ASAP2: variants seen among roughly 807,000 people sequenced by gnomAD.
ASAP2 encodes arf-GAP with SH3 domain, ANK repeat and PH domain-containing protein 2.
In ASAP2, 45 loss-of-function variants were observed where a neutral mutation model predicts 131.4. The observed-to-expected ratio is 0.34, with a 90% CI of 0.27 to 0.44. The LOEUF (loss-of-function observed/expected upper bound fraction) is 0.44, where lower values mean the gene tolerates loss of function less well. Among genes scored for constraint, ASAP2 ranks in the 20% least tolerant of loss-of-function variants. The probability of loss-of-function intolerance (pLI) is 1.00; values close to 1 mark genes in which losing one functional copy is unlikely to be tolerated. For missense variants in ASAP2, 1,011 were observed against 1,297.0 expected, an observed-to-expected ratio of 0.78 and a Z score of 3.39; for synonymous variants, 510 against 503.0, an observed-to-expected ratio of 1.01 and a Z score of -0.19.
chr2:9,338,939 A>G (rs1477225943), intron 9 of ASAP2, among the ~76,000 whole-genome samples: 1 of 152,168 alleles, frequency 6.6e-6, no homozygotes, highest in African/African-American at 2.4e-5. Flanking sequence ...GCACTTTGGG[A>G]GGCCAAGGCA....
At chr2:9,395,602 T>C (rs1351079504) in intron 24 of ASAP2, among the ~76,000 whole-genome samples, 12 of 87,998 alleles carry the variant, frequency 1.4e-4, no homozygotes, top group South Asian at 4.7e-4. Flanking sequence ...TTCTTTTTTT[T>C]TTTTTTTTTT....
rs35027390 is a variant in ASAP2, at chr2:9,237,177, T to TA, written c.126+29957dup. Among the ~76,000 whole-genome samples the TA allele has an allele frequency of 5.2e-3, 773 of 147,744 alleles. 2 individuals are homozygous for TA. Among genetic ancestry groups the TA allele is most frequent in the Middle Eastern group, 0.018 (5 of 284 alleles). ...GGAAGCTTTTTTAAAAAAAGAGAGT[T>TA]AAAAAAAAAAGCCCTGTTTTGTACA... On this transcript the variant is annotated intron_variant, in intron 1 of 27. Transcript: ENST00000281419.
chr2:9,369,021 T>G (rs1416638619), intron 16 of ASAP2, among the ~76,000 whole-genome samples: 3 of 152,116 alleles, frequency 2.0e-5, no homozygotes, highest in African/African-American at 7.2e-5. Flanking sequence ...GAGAAGCTTT[T>G]TTTTTTTTTT....
rs925762864 is a variant in ASAP2 at position 9,224,590 on chromosome 2, C to T, written c.126+17360C>T. 7.9e-5 allele frequency among the ~76,000 whole-genome samples: 12 copies of T among 152,270 alleles called. No homozygotes were observed. The South Asian group carries it at 1.7e-3, about 21-fold the overall frequency. ...AGCAGGAAAATCTTCTAAGGATGAT[C>T]GAAATCTCCACTCTATAAACCATCC... On this transcript the variant is annotated intron_variant, in intron 1 of 27. Transcript: ENST00000281419.
intron 14 of ASAP2, among the ~76,000 whole-genome samples, chr2:9,357,435 C>A (rs780213352): frequency 2.0e-5 from 3 of 152,076 alleles, no homozygotes; most frequent in Non-Finnish European, 4.4e-5. Flanking sequence ...GCTGAGATCA[C>A]GCCACTGCAC....
intron 3 of ASAP2, among the ~76,000 whole-genome samples, chr2:9,312,150 T>C (rs2148464808): frequency 6.6e-6 from 1 of 152,322 alleles, no homozygotes; most frequent in East Asian, 1.9e-4. Context: ...TCTTCTCCCC[T>C]TAAGGACCCT....
rs1674675430 is a variant in ASAP2, at chr2:9,379,655, A to G, written c.1948+596A>G. On this transcript the variant is annotated intron_variant, in intron 19 of 27. Coordinates refer to ENST00000281419, the MANE Select transcript of ASAP2 (RefSeq NM_003887.3). ...TTTGAAGGACTGTTAAATAAAGAGG[A>G]AAGAATAGAAAAAAGACACACATCT... Among the ~76,000 whole-genome samples, 4 of 152,290 alleles carry G rather than the reference A, an allele frequency of 2.6e-5. No individual in the cohort carries two copies. In the South Asian group the frequency reaches 8.3e-4, roughly 32 times the overall value.
chr2:9,313,796 A>G (rs1572423478), intron 3 of ASAP2, among the ~76,000 whole-genome samples: 1 of 152,288 alleles, frequency 6.6e-6, no homozygotes, highest in East Asian at 1.9e-4. Context: ...AGCCCAGGCC[A>G]GCTGGCCTGA....
chr2:9,326,816 A>G (rs951062449), intron 6 of ASAP2, among the ~76,000 whole-genome samples: 11 of 152,130 alleles, frequency 7.2e-5, no homozygotes, highest in African/African-American at 2.7e-4. Context: ...TTAGGTTTGG[A>G]CTGTTGCCAT....
chr2:9,345,984 G>A (rs1424226396), intron 11 of ASAP2, among the ~76,000 whole-genome samples: 5 of 152,046 alleles, frequency 3.3e-5, no homozygotes, highest in African/African-American at 7.2e-5. Context: ...AGGGATTCTC[G>A]GTGACCTCTG....
chr2:9,272,773 A>C (rs1218008537), intron 1 of ASAP2, among the ~76,000 whole-genome samples: 1 of 152,096 alleles, frequency 6.6e-6, no homozygotes, highest in Non-Finnish European at 1.5e-5. Context: ...CTGAGCATGG[A>C]TATTTAGTCT....
At chr2:9,330,512 C>T (rs530992531) in intron 7 of ASAP2, among the ~76,000 whole-genome samples, 1 of 152,130 alleles carries the variant, frequency 6.6e-6, no homozygotes, top group Admixed American at 6.5e-5. Context: ...AGTTGACCAC[C>T]AGGCCTATAA....
intron 1 of ASAP2, among the ~76,000 whole-genome samples, chr2:9,270,827 C>G (rs1320946331): frequency 1.1e-5 from 1 of 89,664 alleles, no homozygotes; most frequent in Non-Finnish European, 2.2e-5. Flanking sequence ...GAGTCTCGCT[C>G]CGTCGCCCAG....
intron 9 of ASAP2, among the ~76,000 whole-genome samples, chr2:9,336,509 C>A (rs1465532734): frequency 1.3e-5 from 2 of 152,166 alleles, no homozygotes; most frequent in Non-Finnish European, 2.9e-5. Flanking sequence ...ACCAGCTGGA[C>A]CTCGAGCAGC....
chr2:9,267,096 T>C (rs935769348), intron 1 of ASAP2, among the ~76,000 whole-genome samples: 6 of 152,200 alleles, frequency 3.9e-5, no homozygotes, highest in Non-Finnish European at 8.8e-5. Context: ...ATATATCTTA[T>C]ATATACACAC....
intron 16 of ASAP2, among the ~76,000 whole-genome samples, chr2:9,374,475 G>A: frequency 6.6e-6 from 1 of 152,226 alleles, no homozygotes; most frequent in East Asian, 1.9e-4. Flanking sequence ...AGTGAGGTCA[G>A]ATCACAGAAC....
At chr2:9,368,877 A>T (rs1484470969) in intron 16 of ASAP2, among the ~76,000 whole-genome samples, 2 of 152,010 alleles carry the variant, frequency 1.3e-5, no homozygotes, top group African/African-American at 4.8e-5. Flanking sequence ...AGCCACCGAG[A>T]TGGCTGGTTG....
At chr2:9,348,625 A>G (rs1456493786) in intron 11 of ASAP2, among the ~76,000 whole-genome samples, 1 of 152,206 alleles carries the variant, frequency 6.6e-6, no homozygotes, top group Admixed American at 6.5e-5. Flanking sequence ...TTGTGGACCC[A>G]TTCTTATGGT....
chr2:9,251,458 A>G (rs1664699969), intron 1 of ASAP2, among the ~76,000 whole-genome samples: 1 of 152,158 alleles, frequency 6.6e-6, no homozygotes, highest in Non-Finnish European at 1.5e-5. Flanking sequence ...CATGTGGAGA[A>G]ATTGAGAAGC....
Sources: allele counts gnomAD v4.1 joint callset (sites outside exome capture counted in the v4.1 genomes callset), GRCh38; gene constraint gnomAD v4.1.1; transcripts MANE v1.5; gene names NCBI Gene and HGNC (gene_info 2026-07-23, HGNC 2026-07-21).